The following KYNU variants were observed in gnomAD, a reference collection of about 807,000 sequenced individuals.
KYNU encodes L-kynurenine hydrolase.
KYNU carries 54 observed loss-of-function variants against 59.2 expected under a neutral mutation model. The observed-to-expected ratio is 0.91, with a 90% CI of 0.73 to 1.14. KYNU has a LOEUF of 1.14. KYNU is among the 50% of genes most tolerant of loss of function. The pLI, the probability that KYNU is intolerant of heterozygous loss-of-function variation, is 0.00. For missense variants in KYNU, 567 were observed against 554.4 expected, an observed-to-expected ratio of 1.02 and a Z score of -0.23; for synonymous variants, 177 against 192.0, an observed-to-expected ratio of 0.92 and a Z score of 0.65.
At chr2:142,901,975 C>G (rs780733025) in intron 2 of KYNU, among the ~76,000 whole-genome samples, 1 of 152,098 alleles carries the variant, frequency 6.6e-6, no homozygotes, top group African/African-American at 2.4e-5. Flanking sequence ...AGAAATGTGG[C>G]GGGGTTAAGA....
In KYNU at chr2:142,942,187, A is replaced by G. The variant is rs551201647; in HGVS notation, c.374-12623A>G. On this transcript the variant is annotated intron_variant, in intron 4 of 13. Transcript: ENST00000264170. ...AAAAAAAAAAAAAGAAAAAAAAAAA[A>G]GAAAAATGTGTAACTTCACTCAAAT... is the stretch of plus-strand genomic sequence containing the variant. 1.4e-4 allele frequency among the ~76,000 whole-genome samples: 21 copies of G among 151,758 alleles called. No homozygotes were observed. In the South Asian group the frequency reaches 4.4e-3, roughly 32 times the overall value.
intron 11 of KYNU, among the ~76,000 whole-genome samples, chr2:143,031,205 C>A (rs1230770805): frequency 6.6e-6 from 1 of 151,986 alleles, no homozygotes; most frequent in Non-Finnish European, 1.5e-5. Flanking sequence ...GTTATTATAC[C>A]AGTTATTTAA....
At chr2:142,935,182 A>G (rs1573809050) in intron 4 of KYNU, among the ~76,000 whole-genome samples, 1 of 152,154 alleles carries the variant, frequency 6.6e-6, no homozygotes. Context: ...AAGGTTTAAG[A>G]TAGTGGTTCC....
At chr2:142,956,427 A>G (rs1164896614) in intron 6 of KYNU, among the ~76,000 whole-genome samples, 153 bp downstream of exon 6, 1 of 152,216 alleles carries the variant, frequency 6.6e-6, no homozygotes, top group East Asian at 1.9e-4. Context: ...TTTTTAATAG[A>G]TTATAGCTTT....
intron 4 of KYNU, among the ~76,000 whole-genome samples, chr2:142,946,935 C>T (rs1167559055): frequency 2.0e-5 from 3 of 152,180 alleles, no homozygotes; most frequent in African/African-American, 4.8e-5. Flanking sequence ...TGCAGATTCT[C>T]CATCAGCACT....
In KYNU at chr2:143,047,448, C is replaced by A. The variant is rs354684; in HGVS notation, c.*5276C>A. ...GTATATACATGAATTCAATTGGTAT[C>A]TATTTTTAATATGGGAAATTTTATG... On this transcript the variant is annotated 3_prime_UTR_variant, in exon 14 of 14. Transcript: ENST00000264170. The A allele has an allele frequency of 0.85, 129,817 of 152,166 alleles. 55,714 individuals carry two copies. Among genetic ancestry groups the A allele is most frequent in the Non-Finnish European group, 0.91 (62,009 of 68,028 alleles). 9.4% of individuals were successfully genotyped at this position (152,166 alleles called of 1,614,324 possible).
intron 4 of KYNU, among the ~76,000 whole-genome samples, chr2:142,950,443 A>G (rs12990543): frequency 0.26 from 40,020 of 152,176 alleles, 6,434 homozygotes; most frequent in South Asian, 0.42. Context: ...AAGCCTCACA[A>G]TCATGGCAGA....
In KYNU at chr2:143,046,301, T is replaced by G. The variant is rs1687164382; in HGVS notation, c.*4129T>G. 6.6e-6 allele frequency: 1 copy of G among 152,206 alleles called. No homozygotes were observed. Among genetic ancestry groups the G allele is most frequent in the Non-Finnish European group, 1.5e-5 (1 of 68,032 alleles). 9.4% of individuals were successfully genotyped at this position (152,206 alleles called of 1,614,324 possible). A position where few individuals can be genotyped will look rare whatever the true frequency, so the allele number is the denominator to read the frequency against. On this transcript the variant is annotated 3_prime_UTR_variant, in exon 14 of 14. Transcript: ENST00000264170. Reference sequence around the variant, plus strand: ...TATCAATGCAATTATACTGTATATATTCTGCTTTTGCACATATTTTTAGAT... The same window carrying G: ...TATCAATGCAATTATACTGTATATAGTCTGCTTTTGCACATATTTTTAGAT...
At position 143,028,450 on chromosome 2, in the gene KYNU, G is replaced by A. The variant is rs560945416; in HGVS notation, c.903-1177G>A. Reference sequence around the variant, plus strand: ...GTAGAGACGGTGTTTCACCATGTTGGTCAGGCTGGTCTCAAACTCCTGACC... The same window carrying A: ...GTAGAGACGGTGTTTCACCATGTTGATCAGGCTGGTCTCAAACTCCTGACC... On this transcript the variant is annotated intron_variant, in intron 10 of 13. Coordinates refer to ENST00000264170, the MANE Select transcript of KYNU (RefSeq NM_003937.3). Among the ~76,000 whole-genome samples the A allele has an allele frequency of 4.5e-4, 67 of 149,600 alleles. 3 individuals are homozygous for A. Among genetic ancestry groups the A allele is most frequent in the African/African-American group, 1.6e-3 (64 of 41,034 alleles).
intron 2 of KYNU, among the ~76,000 whole-genome samples, chr2:142,895,400 A>G (rs1335291136): frequency 6.6e-6 from 1 of 152,168 alleles, no homozygotes; most frequent in East Asian, 1.9e-4. Flanking sequence ...GTCTTTGGAG[A>G]CTGGTTTCCT....
chr2:142,960,932 A>T (rs563774318), intron 8 of KYNU, among the ~76,000 whole-genome samples, 162 bp downstream of exon 8: 1 of 151,538 alleles, frequency 6.6e-6, no homozygotes, highest in African/African-American at 2.4e-5. Flanking sequence ...ACGGTGGCTC[A>T]CGCCTGTAAT....
chr2:142,890,968 A>G (rs563172539), intron 2 of KYNU, among the ~76,000 whole-genome samples: 3 of 152,254 alleles, frequency 2.0e-5, no homozygotes, highest in Admixed American at 2.0e-4. Flanking sequence ...ATAAGTGGTA[A>G]TGTTTCATTT....
chr2:142,979,693 A>G (rs1311058157), intron 8 of KYNU, among the ~76,000 whole-genome samples: 1 of 152,134 alleles, frequency 6.6e-6, no homozygotes, highest in Admixed American at 6.6e-5. Context: ...TATACCTGCA[A>G]TACCAGCACG....
intron 12 of KYNU, 63 bp from the exon 13 acceptor site, chr2:143,040,365 C>CT: frequency 8.7e-7 from 1 of 1,150,698 alleles, no homozygotes; most frequent in Non-Finnish European, 1.3e-6. Context: ...ATGATTTACT[C>CT]TTAATTTTTG....
At chr2:143,006,868 A>G (rs1685922224) in intron 10 of KYNU, among the ~76,000 whole-genome samples, 1 of 152,064 alleles carries the variant, frequency 6.6e-6, no homozygotes, top group Non-Finnish European at 1.5e-5. Context: ...AAGGAAAACT[A>G]ACAAGCAGAA....
At chr2:142,993,456 A>G (rs2105175241) in intron 10 of KYNU, among the ~76,000 whole-genome samples, 1 of 152,188 alleles carries the variant, frequency 6.6e-6, no homozygotes, top group South Asian at 2.1e-4. Flanking sequence ...TACACCTGTC[A>G]TCAGTCTTAG....
At chr2:142,906,020 C>G (rs1268647542) in intron 2 of KYNU, among the ~76,000 whole-genome samples, 13 of 152,150 alleles carry the variant, frequency 8.5e-5, no homozygotes, top group Non-Finnish European at 1.5e-4. Flanking sequence ...TCTCTCCTCT[C>G]TGTCTCTTTC....
chr2:142,991,637 C>T (rs1007007671), intron 10 of KYNU, among the ~76,000 whole-genome samples: 1 of 151,862 alleles, frequency 6.6e-6, no homozygotes, highest in Non-Finnish European at 1.5e-5. Context: ...TTCTGTGGTA[C>T]CGTTTTCTTT....
intron 8 of KYNU, among the ~76,000 whole-genome samples, chr2:142,966,723 G>A (rs1684551871): frequency 6.6e-6 from 1 of 151,968 alleles, no homozygotes; most frequent in African/African-American, 2.4e-5. Context: ...TAACAAATTA[G>A]GAAAATAATC....
Sources: allele counts gnomAD v4.1 joint callset (sites outside exome capture counted in the v4.1 genomes callset), GRCh38; gene constraint gnomAD v4.1.1; transcripts MANE v1.5; gene names NCBI Gene and HGNC (gene_info 2026-07-23, HGNC 2026-07-21).